Variants in ITGB4 observed in about 807,000 individuals in gnomAD.
ITGB4 encodes integrin beta-4.
ITGB4 carries 159 observed loss-of-function variants against 207.6 expected under a neutral mutation model. The observed-to-expected ratio is 0.77, with a 90% CI of 0.67 to 0.87. The LOEUF (loss-of-function observed/expected upper bound fraction) is 0.87. Among genes scored for constraint, ITGB4 ranks in the 40% least tolerant of loss-of-function variants. The pLI is 0.00. For synonymous variants in ITGB4, 1,020 were observed against 1,062.7 expected (o/e 0.96, Z 0.78); for missense variants, 2,278 against 2,546.8 (o/e 0.89, Z 2.27).
In ITGB4 at chr17:75,729,834, T is replaced by C. The variant is rs1251155998; in HGVS notation, c.738+398T>C. On this transcript the variant is annotated intron_variant, in intron 7 of 39. Transcript: ENST00000200181. The surrounding 1 kb of genome is among the most constrained non-coding windows in gnomAD (Gnocchi z 4.4). ...GTTCATTCTGAAAATGACATACCCA[T>C]ATTACTAGGTTAGAAAACAAAGAGC... Among the ~76,000 whole-genome samples, 15 of 152,164 alleles carry C rather than the reference T, an allele frequency of 9.9e-5. No individual in the cohort carries two copies.
rs764076756 is a variant in ITGB4, at chr17:75,730,322, G to A, written c.820G>A (p.Ala274Thr). The change falls in exon 8 of 40, where the codon GCC (alanine) becomes ACC (threonine). Residue 274 changes from alanine (A) to threonine (T), a missense_variant. Transcript: ENST00000200181. ...AGCCTTCCACTATGAGGCTGATGGC[G>A]CCAACGTGCTGGCTGGCATCATGAG... ...ESAFHYEADG[A>T]NVLAGIMSRN... The A allele has an allele frequency of 3.7e-6, 6 of 1,613,688 alleles. No individual in the cohort carries two copies. The highest frequency in any genetic ancestry group is 2.2e-5 in the East Asian group (1 of 44,872).
At position 75,732,123 on chromosome 17, in the gene ITGB4, G is replaced by T; in HGVS notation, c.1378-40G>T. ...GGAAGTGTCCAGTGGCCCCGGTCCT[G>T]CTCCCCCGACGCACCCCACCATGGT... On this transcript the variant is annotated intron_variant, in intron 11 of 39. Transcript: ENST00000200181. This position sits in a 1 kb window ranked among gnomAD's most constrained non-coding sequence, Gnocchi z 5.3. 2 of 1,612,252 alleles carry T rather than the reference G, an allele frequency of 1.2e-6. 1 individual carries two copies. The highest frequency in any genetic ancestry group is 2.2e-5 in the South Asian group (2 of 91,024).
chr17:75,752,058 C>T, intron 30 of ITGB4, 116 bp from the exon 31 acceptor site: 1 of 1,170,430 alleles, frequency 8.5e-7, no homozygotes, highest in Non-Finnish European at 1.3e-6. Flanking sequence ...CTTTGCCTTG[C>T]TTCCCCAGCC....
At chr17:75,736,807 A>C in intron 16 of ITGB4, 113 bp downstream of exon 16, 2 of 1,200,992 alleles carry the variant, frequency 1.7e-6, no homozygotes, top group Non-Finnish European at 2.4e-6. Context: ...AAGGTCACAC[A>C]GTCCGGACAG....
Position 75,737,572 on chromosome 17 carries a change from C to T in ITGB4, c.2148C>T (p.Pro716=). ...CGGGCTCCTTCTGGTGGCTCATCCC[C>T]CTGCTCCTCCTCCTCCTGCCGCTCC... ...CPPGSFWWLI[P]LLLLLLPLLA... The change falls in exon 18 of 40, where the codon CCC becomes CCT. Residue 716 remains proline, a synonymous_variant. Coordinates refer to ENST00000200181, the MANE Select transcript of ITGB4 (RefSeq NM_000213.5). The T allele has an allele frequency of 6.2e-7, 1 of 1,601,458 alleles. No homozygotes were observed. The highest frequency in any genetic ancestry group is 8.5e-7 in the Non-Finnish European group (1 of 1,174,204).
rs182702376 is a variant in ITGB4 at position 75,754,206 on chromosome 17, C to G, written c.4318+232C>G. Among the ~76,000 whole-genome samples the G allele has an allele frequency of 1.2e-3, 183 of 152,300 alleles. 1 individual carries two copies. The highest frequency in any genetic ancestry group is 5.8e-4 in the East Asian group (3 of 5,176). ...GGCCAGGGGGTGCAAATTCAGAAGT[C>G]TGCCCGGGAAGCGGACCCTGGCACC... On this transcript the variant is annotated intron_variant, in intron 33 of 39. Transcript: ENST00000200181.
chr17:75,743,883 G>C, intron 26 of ITGB4, 22 bp downstream of exon 26: 1 of 1,561,998 alleles, frequency 6.4e-7, no homozygotes, highest in Non-Finnish European at 8.7e-7. Context: ...CCACAGGGTC[G>C]AGGGTGCAGC....
intron 5 of ITGB4, among the ~76,000 whole-genome samples, 154 bp from the exon 6 acceptor site, chr17:75,728,223 A>G (rs1255638370): frequency 1.3e-5 from 2 of 152,208 alleles, no homozygotes; most frequent in East Asian, 3.8e-4. Context: ...ATCCATAAAT[A>G]GGAACAGACA....
rs916362335 is a variant in ITGB4 at position 75,731,668 on chromosome 17, T to C, written c.1216-144T>C. On this transcript the variant is annotated intron_variant, in intron 10 of 39. Transcript: ENST00000200181. This position sits in a 1 kb window ranked among gnomAD's most constrained non-coding sequence, Gnocchi z 6.8. ...TGACTGCGCTGGGAAGGAGGGAGTT[T>C]CCAGCCCTGAGGGAGGTGAGCAGGA... is the stretch of plus-strand genomic sequence containing the variant. 1.3e-5 allele frequency: 12 copies of C among 940,644 alleles called. No individual in the cohort carries two copies. The highest frequency in any genetic ancestry group is 1.7e-5 in the Non-Finnish European group (11 of 646,104). The allele number at this position is 940,644 out of a possible 1,614,324, so 58.3% of individuals were successfully genotyped here. A position where few individuals can be genotyped will look rare whatever the true frequency, so the allele number is the denominator to read the frequency against.
At chr17:75,735,111 G>C (rs561102266) in intron 13 of ITGB4, among the ~76,000 whole-genome samples, 1 of 152,028 alleles carries the variant, frequency 6.6e-6, no homozygotes, top group South Asian at 2.1e-4. Context: ...TTTTTGAGAC[G>C]GAGTCTTGCT....
Position 75,730,952 on chromosome 17 carries a change from G to A in ITGB4, c.1080G>A (p.Glu360=). 2 of 1,613,630 alleles carry A rather than the reference G, an allele frequency of 1.2e-6. No homozygotes were observed. Among genetic ancestry groups the A allele is most frequent in the Non-Finnish European group, 1.7e-6 (2 of 1,179,784 alleles). Residue 360 remains glutamate (E), a synonymous_variant, in exon 9 of 40, where the codon GAG becomes GAA. Transcript: ENST00000200181. ...CGTCCAACATCGTGGAGCTGCTGGA[G>A]GAGGCCTTCAATGTGAGGGCAGCTC... The part of the protein sequence containing the change: ...EDSSNIVELL[E]EAFNRIRSNL...
At chr17:75,752,097 C>T (rs2061379247) in intron 30 of ITGB4, 77 bp from the exon 31 acceptor site, 8 of 1,486,266 alleles carry the variant, frequency 5.4e-6, no homozygotes, top group Admixed American at 1.7e-5. Context: ...GATGCACGGC[C>T]GTCCTGCTGT....
At chr17:75,738,385 C>T (rs758905211) in intron 18 of ITGB4, among the ~76,000 whole-genome samples, 1 of 152,230 alleles carries the variant, frequency 6.6e-6, no homozygotes, top group Non-Finnish European at 1.5e-5. Flanking sequence ...GTCCACGTGA[C>T]TCCATTTCCC....
chr17:75,743,596 A>G (rs1359734822), intron 25 of ITGB4, 117 bp from the exon 26 acceptor site: 3 of 1,395,696 alleles, frequency 2.1e-6, no homozygotes, highest in Non-Finnish European at 2.0e-6. Context: ...GGCAATGCAT[A>G]GAGGGAACCA....
rs1358776819 is a variant in ITGB4, at chr17:75,732,502, G to A, written c.1454+263G>A. ...GGTTGGCTGTTGGGGCTGGGGTCTG[G>A]ATCTTGGGGGACAGGCACACGAGGC... On this transcript the variant is annotated intron_variant, in intron 12 of 39. Transcript: ENST00000200181. This position sits in a 1 kb window ranked among gnomAD's most constrained non-coding sequence, Gnocchi z 5.3. Among the ~76,000 whole-genome samples the A allele has an allele frequency of 6.6e-6, 1 of 152,174 alleles. No homozygotes were observed. Among genetic ancestry groups the A allele is most frequent in the Admixed American group, 6.5e-5 (1 of 15,270 alleles).
chr17:75,740,322 A>ACCTCCATCTCACCC lies in ITGB4; in HGVS notation c.2447-30_2447-17dup. 2 of 1,529,032 alleles carry ACCTCCATCTCACCC rather than the reference A, an allele frequency of 1.3e-6. No individual in the cohort carries two copies. The highest frequency in any genetic ancestry group is 1.8e-6 in the Non-Finnish European group (2 of 1,109,014). The allele number at this position is 1,529,032 out of a possible 1,614,324, so 94.7% of individuals were successfully genotyped here. A position where few individuals can be genotyped will look rare whatever the true frequency, so the allele number is the denominator to read the frequency against. Reference sequence around the variant, plus strand: ...GTGCCTGTCATGCAGGGGGCTGACCACCTCCATCTCACCCCCTCCCACCGC... The same window carrying ACCTCCATCTCACCC: ...GTGCCTGTCATGCAGGGGGCTGACCACCTCCATCTCACCCCCTCCATCTCACCCCCTCCCACCGC... On this transcript the variant is annotated intron_variant, in intron 20 of 39. Coordinates refer to ENST00000200181, the MANE Select transcript of ITGB4 (RefSeq NM_000213.5). This position sits in a 1 kb window ranked among gnomAD's most constrained non-coding sequence, Gnocchi z 5.9.
chr17:75,730,584 CCCTCCCTCCCTCCCTCCCTT>C (rs1599229139), intron 8 of ITGB4, 80 bp downstream of exon 8: 7 of 1,112,736 alleles, frequency 6.3e-6, no homozygotes, highest in African/African-American at 3.4e-5. Context: ...CTCCCTCCCT[CCCTCCCTCCCTCCCTCCCTT>C]CCTCCCTTCC....
At position 75,724,750 on chromosome 17, in the gene ITGB4, C is replaced by T. The variant is rs773548728; in HGVS notation, c.47C>T (p.Ala16Val). ...PSPWARLLLA[A>V]LISVSLSGTL... ...CCATGGGCCAGGCTGCTCCTGGCAGCCTTGATCAGCGTCAGCCTCTCTGGG... is the reference window on the plus strand; with the variant it reads ...CCATGGGCCAGGCTGCTCCTGGCAGTCTTGATCAGCGTCAGCCTCTCTGGG... The change falls in exon 2 of 40, where the codon GCC (alanine) becomes GTC (valine). Residue 16 changes from alanine to valine, a missense_variant. Ala to Val is a moderately conservative substitution (Grantham distance 64, BLOSUM62 0). Transcript: ENST00000200181. The T allele has an allele frequency of 6.2e-7, 1 of 1,613,634 alleles. No individual in the cohort carries two copies. The highest frequency in any genetic ancestry group is 8.5e-7 in the Non-Finnish European group (1 of 1,180,032).
chr17:75,732,184 C>T lies in ITGB4; in HGVS notation c.1399C>T (p.Arg467Cys), dbSNP rs747240654. 46 of 1,614,134 alleles carry T rather than the reference C, an allele frequency of 2.8e-5. No homozygotes were observed. The East Asian group carries it at 3.6e-4, about 13-fold the overall frequency. ...CCAGCAAAAAGAGGTGCGGTCAGCTCGCTGCAGCTTCAACGGAGACTTCGT... is the reference window on the plus strand; with the variant it reads ...CCAGCAAAAAGAGGTGCGGTCAGCTTGCTGCAGCTTCAACGGAGACTTCGT... ...CELQKEVRSA[R>C]CSFNGDFVCG... is the part of the protein sequence containing the mutation. Residue 467 changes from arginine to cysteine, a missense_variant, in exon 12 of 40, where the codon CGC becomes TGC. Physicochemically the swap from Arg to Cys is radical, Grantham distance 180 (BLOSUM62 -3). Coordinates refer to ENST00000200181, the MANE Select transcript of ITGB4 (RefSeq NM_000213.5). This position sits in a 1 kb window ranked among gnomAD's most constrained non-coding sequence, Gnocchi z 5.3.
Sources: gnomAD v4.1 joint callset for allele counts (sites outside exome capture counted in the v4.1 genomes callset) on GRCh38, gnomAD v4.1.1 for gene constraint, Gnocchi (gnomAD v3.1) non-coding constraint, MANE v1.5 for transcripts, NCBI Gene and HGNC (gene_info 2026-07-23, HGNC 2026-07-21) for gene names.